The following RUBCN variants were observed in gnomAD, a reference collection of about 807,000 sequenced individuals.
The protein encoded by RUBCN is run domain Beclin-1-interacting and cysteine-rich domain-containing protein.
In RUBCN, 74 loss-of-function variants were observed where a neutral mutation model predicts 113.2. The ratio of observed to expected loss-of-function variants is 0.65; its 90% CI spans 0.54 to 0.79. RUBCN has a LOEUF of 0.79. RUBCN is among the 30% of genes least tolerant of loss of function. The probability of loss-of-function intolerance (pLI) is 0.00; values close to 1 mark genes in which losing one functional copy is unlikely to be tolerated. For synonymous variants in RUBCN, 480 were observed against 490.0 expected (o/e 0.98, Z 0.27); for missense variants, 1,109 against 1,251.7 (o/e 0.89, Z 1.72).
In RUBCN at chr3:197,670,880, GCAGA is replaced by G. The variant is rs1393560332; in HGVS notation, c.*4134_*4137del. On this transcript the variant is annotated 3_prime_UTR_variant, in exon 20 of 20. Transcript: ENST00000296343. ...CTGGACAAACACAACAGGAGCAGTT[GCAGA>G]CAAAGTAGCTGAGGGAGAAGACAGG... Among the ~76,000 whole-genome samples the G allele has an allele frequency of 6.6e-6, 1 of 152,206 alleles. No individual in the cohort carries two copies. The highest frequency in any genetic ancestry group is 1.5e-5 in the Non-Finnish European group (1 of 68,032).
At chr3:197,711,928 T>C (rs1725013206) in intron 2 of RUBCN, among the ~76,000 whole-genome samples, 1 of 152,192 alleles carries the variant, frequency 6.6e-6, no homozygotes, top group South Asian at 2.1e-4. Flanking sequence ...GTTAGAGTGG[T>C]GACTATCGCT....
chr3:197,675,413 T>C lies in RUBCN; in HGVS notation c.2740+9A>G. ...GGCTCACTTGCCCGATGCCTGCACC[T>C]GCCCTCACCTTCACAGGTCCGGCAC... On this transcript the variant is annotated intron_variant, in intron 19 of 19. Coordinates refer to ENST00000296343, the MANE Select transcript of RUBCN (RefSeq NM_014687.4). This position sits in a 1 kb window ranked among gnomAD's most constrained non-coding sequence, Gnocchi z 4.4. The C allele has an allele frequency of 6.2e-7, 1 of 1,609,996 alleles. No homozygotes were observed. Among genetic ancestry groups the C allele is most frequent in the African/African-American group, 1.3e-5 (1 of 74,956 alleles).
At position 197,671,908 on chromosome 3, in the gene RUBCN, C is replaced by T. The variant is rs901897257; in HGVS notation, c.*3110G>A. The T allele has an allele frequency of 6.6e-6, 1 of 152,232 alleles. No homozygotes were observed. The highest frequency in any genetic ancestry group is 2.4e-5 in the African/African-American group (1 of 41,470). The allele number at this position is 152,232 out of a possible 1,614,324, so 9.4% of individuals were successfully genotyped here. ...TGGTCCAGTTTGCTTTACATTATAACACAGAAACCTTCTCAATGTTCAGAT... is the reference window on the plus strand; with the variant it reads ...TGGTCCAGTTTGCTTTACATTATAATACAGAAACCTTCTCAATGTTCAGAT... On this transcript the variant is annotated 3_prime_UTR_variant, in exon 20 of 20. Transcript: ENST00000296343.
At position 197,703,620 on chromosome 3, in the gene RUBCN, C is replaced by T. The variant is rs188285888; in HGVS notation, c.498G>A (p.Thr166=). The change falls in exon 5 of 20, where the codon ACG becomes ACA. Residue 166 remains threonine, a synonymous_variant. Coordinates refer to ENST00000296343, the MANE Select transcript of RUBCN (RefSeq NM_014687.4). ...AAFLLSDAHV[T]AMLQCLEAVE... ...CTGCTTCCAGGCACTGCAGCATGGC[C>T]GTGACATGAGCGTCACTTAGCAGGA... 49 of 1,613,714 alleles carry T rather than the reference C, an allele frequency of 3.0e-5. No individual in the cohort carries two copies. Among genetic ancestry groups the T allele is most frequent in the East Asian group, 1.6e-4 (7 of 44,858 alleles).
chr3:197,719,573 A>G (rs535355194), intron 1 of RUBCN, among the ~76,000 whole-genome samples: 10 of 152,218 alleles, frequency 6.6e-5, no homozygotes, highest in African/African-American at 1.7e-4. Flanking sequence ...TTACACAAAG[A>G]GCATTGACAT....
At chr3:197,688,767 G>A (rs1195698474) in intron 11 of RUBCN, among the ~76,000 whole-genome samples, 1 of 152,244 alleles carries the variant, frequency 6.6e-6, no homozygotes, top group Non-Finnish European at 1.5e-5. Context: ...AGAAGTAGAT[G>A]ACGTGAAAGA....
At chr3:197,715,402 A>G (rs150841848) in intron 2 of RUBCN, among the ~76,000 whole-genome samples, 199 of 152,320 alleles carry the variant, frequency 1.3e-3, no homozygotes, top group African/African-American at 4.5e-3. Context: ...AGGTATCTAT[A>G]AAGTAAAACT....
intron 11 of RUBCN, among the ~76,000 whole-genome samples, chr3:197,687,329 A>G (rs1214188370): frequency 6.6e-6 from 1 of 152,246 alleles, no homozygotes; most frequent in Non-Finnish European, 1.5e-5. Context: ...TTGACCTTGA[A>G]TTGGATATAA....
chr3:197,685,282 A>G (rs913733701), intron 11 of RUBCN, among the ~76,000 whole-genome samples: 1 of 152,204 alleles, frequency 6.6e-6, no homozygotes, highest in Non-Finnish European at 1.5e-5. Flanking sequence ...TGTTCTGATA[A>G]ATACTCTCTC....
chr3:197,674,203 C>A lies in RUBCN; in HGVS notation c.*815G>T, dbSNP rs1373018123. On this transcript the variant is annotated 3_prime_UTR_variant, in exon 20 of 20. Coordinates refer to ENST00000296343, the MANE Select transcript of RUBCN (RefSeq NM_014687.4). ...GACCTTAACACCAAGAGGGGGCCGA[C>A]CGCTCCTCTGAGTAAGCGCTCCTTC... The A allele has an allele frequency of 6.5e-6, 1 of 152,864 alleles. No homozygotes were observed. The highest frequency in any genetic ancestry group is 2.4e-5 in the African/African-American group (1 of 41,460). 9.5% of individuals were successfully genotyped at this position (152,864 alleles called of 1,614,324 possible).
chr3:197,694,275 T>C lies in RUBCN; in HGVS notation c.1684+100A>G, dbSNP rs548751265. On this transcript the variant is annotated intron_variant, in intron 10 of 19. Transcript: ENST00000296343. The stretch of plus-strand genomic sequence containing the variant: ...ATGATAGAAAAAAAGTAGGACTACA[T>C]AGAAACATCTGACAGCAGAGGAACC... 4.5e-5 allele frequency: 46 copies of C among 1,032,402 alleles called. No individual in the cohort carries two copies. The highest frequency in any genetic ancestry group is 3.7e-4 in the Admixed American group (22 of 59,342). The allele number at this position is 1,032,402 out of a possible 1,614,324, so 64.0% of individuals were successfully genotyped here.
chr3:197,705,209 G>C (rs376222276), intron 2 of RUBCN, 34 bp from the exon 3 acceptor site: 54 of 1,559,684 alleles, frequency 3.5e-5, no homozygotes, highest in Non-Finnish European at 4.7e-5. Context: ...AGCAAATCAC[G>C]ACCATTCTGG....
At chr3:197,725,147 G>A (rs1348035884) in intron 1 of RUBCN, among the ~76,000 whole-genome samples, 3 of 152,190 alleles carry the variant, frequency 2.0e-5, no homozygotes, top group Non-Finnish European at 4.4e-5. Flanking sequence ...ACTGTGGTCA[G>A]GCAAGTGTCC....
chr3:197,680,419 C>T (rs1466474910), intron 16 of RUBCN, among the ~76,000 whole-genome samples: 27 of 149,392 alleles, frequency 1.8e-4, no homozygotes, highest in East Asian at 8.1e-4. Context: ...GACTGTCCTA[C>T]GCTCTAACTC....
intron 2 of RUBCN, among the ~76,000 whole-genome samples, chr3:197,708,110 G>T (rs1724524024): frequency 6.6e-6 from 1 of 151,856 alleles, no homozygotes; most frequent in Non-Finnish European, 1.5e-5. Context: ...CATTTTTTAT[G>T]ATAGCAAATA....
At chr3:197,721,105 A>G (rs1726111712) in intron 1 of RUBCN, among the ~76,000 whole-genome samples, 1 of 152,098 alleles carries the variant, frequency 6.6e-6, no homozygotes, top group Non-Finnish European at 1.5e-5. Context: ...TAGCTTTGGT[A>G]TCATGATAAT....
chr3:197,716,190 C>G (rs1446822574), intron 2 of RUBCN, among the ~76,000 whole-genome samples: 1 of 152,198 alleles, frequency 6.6e-6, no homozygotes, highest in Non-Finnish European at 1.5e-5. Context: ...CGCGGTGGCA[C>G]GGTCTCAGCT....
In RUBCN at chr3:197,674,472, C is replaced by A; in HGVS notation, c.*546G>T. The A allele has an allele frequency of 2.2e-6, 1 of 448,390 alleles. No homozygotes were observed. Among genetic ancestry groups the A allele is most frequent in the South Asian group, 1.7e-5 (1 of 58,334 alleles). 27.8% of individuals were successfully genotyped at this position (448,390 alleles called of 1,614,324 possible). On this transcript the variant is annotated 3_prime_UTR_variant, in exon 20 of 20. Transcript: ENST00000296343. Reference sequence around the variant, plus strand: ...GGATTGTTCTGTGGCCCCCAAAATACCCAAATAAGTGGACGAAATGCCCAT... The same window carrying A: ...GGATTGTTCTGTGGCCCCCAAAATAACCAAATAAGTGGACGAAATGCCCAT...
At chr3:197,693,226 G>A (rs1289043273) in intron 11 of RUBCN, among the ~76,000 whole-genome samples, 1 of 152,204 alleles carries the variant, frequency 6.6e-6, no homozygotes, top group Non-Finnish European at 1.5e-5. Flanking sequence ...CTGTGACTGT[G>A]CTGAGCAGTG....
Sources: gnomAD v4.1 joint callset for allele counts (sites outside exome capture counted in the v4.1 genomes callset) on GRCh38, gnomAD v4.1.1 for gene constraint, Gnocchi (gnomAD v3.1) non-coding constraint, MANE v1.5 for transcripts, NCBI Gene and HGNC (gene_info 2026-07-23, HGNC 2026-07-21) for gene names.